Variants in GRIK2 observed in about 807,000 individuals in gnomAD.
GRIK2 encodes the protein glutamate ionotropic receptor kainate type subunit 2, also known as glutamate receptor ionotropic, kainate 2.
In GRIK2, 32 loss-of-function variants were observed where a neutral mutation model predicts 100.3. That is an observed-to-expected ratio of 0.32 (90% CI 0.24 to 0.43). GRIK2 has a LOEUF of 0.43. GRIK2 is among the 20% of genes least tolerant of loss of function. The pLI, the probability that GRIK2 is intolerant of heterozygous loss-of-function variation, is 1.00. For missense variants in GRIK2, 843 were observed against 1,114.9 expected, an observed-to-expected ratio of 0.76 and a Z score of 3.47; for synonymous variants, 417 against 389.4, an observed-to-expected ratio of 1.07 and a Z score of -0.83.
intron 4 of GRIK2, among the ~76,000 whole-genome samples, chr6:101,640,901 A>G (rs780490474): frequency 7.2e-5 from 11 of 152,196 alleles, no homozygotes; most frequent in Non-Finnish European, 1.6e-4. Context: ...AAACAAAGGC[A>G]TCATTTTGTA....
intron 14 of GRIK2, among the ~76,000 whole-genome samples, chr6:101,960,765 A>G (rs923261306): frequency 3.9e-5 from 6 of 152,186 alleles, no homozygotes; most frequent in Admixed American, 6.5e-5. Flanking sequence ...CCGCAGCACA[A>G]TGCTCTTCTG....
At chr6:101,760,720 A>ATG (rs1562364901) in intron 7 of GRIK2, among the ~76,000 whole-genome samples, 2 of 101,290 alleles carry the variant, frequency 2.0e-5, no homozygotes, top group East Asian at 5.2e-4. Context: ...ATTTAATTAT[A>ATG]TTTAATTATA....
intron 7 of GRIK2, among the ~76,000 whole-genome samples, chr6:101,789,399 G>C (rs1490103887): frequency 1.3e-5 from 2 of 152,114 alleles, no homozygotes; most frequent in Non-Finnish European, 2.9e-5. Flanking sequence ...GTAAGGAAGG[G>C]ATCCAGTTTC....
intron 2 of GRIK2, among the ~76,000 whole-genome samples, chr6:101,462,562 G>A (rs915305573): frequency 1.3e-5 from 2 of 152,082 alleles, no homozygotes; most frequent in African/African-American, 2.4e-5. Flanking sequence ...ATAGGTACAA[G>A]GACATCTTAA....
At chr6:101,656,917 G>A (rs962458041) in intron 4 of GRIK2, among the ~76,000 whole-genome samples, 6 of 152,156 alleles carry the variant, frequency 3.9e-5, no homozygotes, top group African/African-American at 1.4e-4. Flanking sequence ...GCACTCTGGA[G>A]GCAAAGACTA....
intron 4 of GRIK2, among the ~76,000 whole-genome samples, chr6:101,628,845 C>T (rs539701447): frequency 1.3e-5 from 2 of 152,016 alleles, no homozygotes; most frequent in African/African-American, 4.8e-5. Context: ...TCCTTAAACT[C>T]CTCATAGGAA....
chr6:102,009,298 T>A (rs1262523366), intron 14 of GRIK2, among the ~76,000 whole-genome samples: 3 of 152,272 alleles, frequency 2.0e-5, no homozygotes, highest in African/African-American at 7.2e-5. Context: ...TGATTATTTC[T>A]TGTTGGGCTT....
At chr6:101,494,971 TTATATATATATATA>T (rs369006296) in intron 2 of GRIK2, among the ~76,000 whole-genome samples, 20 of 107,984 alleles carry the variant, frequency 1.9e-4, no homozygotes, top group South Asian at 3.3e-4. Flanking sequence ...ATATATGCAT[TTATATATATATATA>T]TATATATATA....
intron 12 of GRIK2, among the ~76,000 whole-genome samples, chr6:101,906,667 G>C (rs1050745699): frequency 6.6e-6 from 1 of 151,712 alleles, no homozygotes; most frequent in Non-Finnish European, 1.5e-5. Context: ...GCATTTCAGT[G>C]TTGAGAATTG....
intron 2 of GRIK2, among the ~76,000 whole-genome samples, chr6:101,557,408 T>C (rs1487279526): frequency 6.6e-6 from 1 of 152,210 alleles, no homozygotes; most frequent in African/African-American, 2.4e-5. Context: ...TCATGGTTTA[T>C]ACAGCTCTCT....
Position 101,924,715 on chromosome 6 carries a change from G to A in GRIK2, c.1863G>A (p.Gln621=). Residue 621 remains glutamine, a synonymous_variant, in exon 13 of 17, where the codon CAG becomes CAA. Coordinates refer to ENST00000369134, the MANE Select transcript of GRIK2 (RefSeq NM_021956.5). ...SFWFGVGALM[Q]QGSELMPKAL... is the part of the protein sequence containing the mutation. ...GGTTTGGAGTTGGAGCTCTCATGCAGCAAGGTATACGATTCAGCCTGCTAT... is the reference window on the plus strand; with the variant it reads ...GGTTTGGAGTTGGAGCTCTCATGCAACAAGGTATACGATTCAGCCTGCTAT... 6.4e-7 allele frequency: 1 copy of A among 1,564,924 alleles called. No homozygotes were observed. The highest frequency in any genetic ancestry group is 8.8e-7 in the Non-Finnish European group (1 of 1,135,086).
intron 7 of GRIK2, among the ~76,000 whole-genome samples, chr6:101,789,089 G>A (rs1316504489): frequency 6.6e-6 from 1 of 152,030 alleles, no homozygotes; most frequent in Non-Finnish European, 1.5e-5. Context: ...TGAGTTCATT[G>A]TAGATTCTGG....
intron 7 of GRIK2, among the ~76,000 whole-genome samples, chr6:101,720,913 G>T (rs917076355): frequency 1.3e-5 from 2 of 151,938 alleles, no homozygotes; most frequent in Non-Finnish European, 2.9e-5. Context: ...TTTTATGCCA[G>T]ATATGCATTA....
intron 10 of GRIK2, among the ~76,000 whole-genome samples, chr6:101,843,489 C>A (rs1783633881): frequency 6.6e-6 from 1 of 152,128 alleles, no homozygotes; most frequent in Admixed American, 6.5e-5. Context: ...GCATATTTGA[C>A]CAGCTAAATA....
intron 7 of GRIK2, among the ~76,000 whole-genome samples, chr6:101,789,205 G>C (rs192516914): frequency 1.2e-3 from 189 of 152,224 alleles, no homozygotes; most frequent in African/African-American, 4.3e-3. Flanking sequence ...AAGCTGTTTA[G>C]TTTAATTAGA....
intron 7 of GRIK2, among the ~76,000 whole-genome samples, chr6:101,706,380 T>A (rs1044674653): frequency 6.6e-5 from 10 of 151,996 alleles, no homozygotes; most frequent in African/African-American, 2.4e-4. Context: ...TCAAATTTTC[T>A]TTCTCATATT....
Position 101,686,362 on chromosome 6 carries a change from A to G in GRIK2, c.951+9A>G, listed in dbSNP as rs758872934. On this transcript the variant is annotated intron_variant, in intron 7 of 16. Transcript: ENST00000369134. The stretch of plus-strand genomic sequence containing the variant: ...TGGATGGATTTATGACGGTATGAAT[A>G]CCCACTTAAAGATCAGTTTGTGTGT... 6.2e-7 allele frequency: 1 copy of G among 1,605,022 alleles called. No homozygotes were observed. Among genetic ancestry groups the G allele is most frequent in the South Asian group, 1.1e-5 (1 of 90,820 alleles).
chr6:101,495,544 A>G (rs1773399962), intron 2 of GRIK2, among the ~76,000 whole-genome samples: 1 of 152,144 alleles, frequency 6.6e-6, no homozygotes, highest in African/African-American at 2.4e-5. Flanking sequence ...TAAGATGCAG[A>G]TAAAATTGGA....
intron 4 of GRIK2, among the ~76,000 whole-genome samples, chr6:101,628,898 A>G (rs556184805): frequency 4.6e-5 from 7 of 152,104 alleles, no homozygotes; most frequent in Non-Finnish European, 1.0e-4. Flanking sequence ...AGACATATTA[A>G]CTTTATTCAC....
Sources: gnomAD v4.1 joint callset for allele counts (sites outside exome capture counted in the v4.1 genomes callset) on GRCh38, gnomAD v4.1.1 for gene constraint, MANE v1.5 for transcripts, NCBI Gene and HGNC (gene_info 2026-07-23, HGNC 2026-07-21) for gene names.